Variants in DGKB observed in about 807,000 individuals in gnomAD.
DGKB encodes the protein 90 kDa diacylglycerol kinase.
DGKB carries 67 observed loss-of-function variants against 114.3 expected under a neutral mutation model. The ratio of observed to expected loss-of-function variants is 0.59; its 90% CI spans 0.48 to 0.72. The LOEUF is 0.72. Among genes scored for constraint, DGKB ranks in the 30% least tolerant of loss-of-function variants. The pLI, the probability that DGKB is intolerant of heterozygous loss-of-function variation, is 0.00. For synonymous variants in DGKB, 398 were observed against 323.1 expected (o/e 1.23, Z -2.49); for missense variants, 907 against 975.2 (o/e 0.93, Z 0.93).
chr7:14,809,499 C>T (rs1367551051), intron 2 of DGKB, among the ~76,000 whole-genome samples: 1 of 152,076 alleles, frequency 6.6e-6, no homozygotes, highest in African/African-American at 2.4e-5. Context: ...ACATGGAGGT[C>T]ATATTTTAAT....
At chr7:14,176,363 T>G (rs752195407) in intron 25 of DGKB, 179 of 984,468 alleles carry the variant, frequency 1.8e-4, no homozygotes, top group Non-Finnish European at 2.1e-4. Flanking sequence ...CAATTAATTA[T>G]GGTAGAAACT....
chr7:14,222,411 A>G (rs1336116099), intron 23 of DGKB, among the ~76,000 whole-genome samples: 3 of 151,008 alleles, frequency 2.0e-5, no homozygotes, highest in African/African-American at 4.8e-5. Context: ...GTTATTTTAG[A>G]GTATGTTTTT....
intron 21 of DGKB, among the ~76,000 whole-genome samples, chr7:14,472,535 T>C (rs1299264622): frequency 1.3e-5 from 2 of 152,140 alleles, no homozygotes; most frequent in African/African-American, 4.8e-5. Context: ...TGCAATAAAT[T>C]GGTACCAGTA....
At chr7:14,741,138 G>A (rs1832532090) in intron 4 of DGKB, among the ~76,000 whole-genome samples, 1 of 152,134 alleles carries the variant, frequency 6.6e-6, no homozygotes, top group African/African-American at 2.4e-5. Flanking sequence ...CCTCTCGGAT[G>A]CATCCTTCAA....
intron 13 of DGKB, among the ~76,000 whole-genome samples, chr7:14,666,905 G>A (rs1818128242): frequency 6.6e-6 from 1 of 151,936 alleles, no homozygotes; most frequent in East Asian, 1.9e-4. Context: ...GATGCCAATT[G>A]CAACCTCAGA....
At chr7:14,295,980 G>GT (rs1802479397) in intron 23 of DGKB, among the ~76,000 whole-genome samples, 1 of 150,544 alleles carries the variant, frequency 6.6e-6, no homozygotes, top group Admixed American at 6.6e-5. Context: ...TCCTGTGTTA[G>GT]TTTACTGAGA....
At chr7:14,712,624 C>T (rs1430065017) in intron 6 of DGKB, among the ~76,000 whole-genome samples, 1 of 151,826 alleles carries the variant, frequency 6.6e-6, no homozygotes, top group Non-Finnish European at 1.5e-5. Flanking sequence ...GGAGCCAAGA[C>T]TGTGCCACTG....
intron 13 of DGKB, among the ~76,000 whole-genome samples, chr7:14,652,627 A>G (rs1012209517): frequency 3.7e-4 from 55 of 150,328 alleles, no homozygotes; most frequent in Non-Finnish European, 6.8e-4. Context: ...AAGCAATGGC[A>G]ACAAAAGCCA....
At chr7:14,591,678 A>G (rs1161741958) in intron 17 of DGKB, among the ~76,000 whole-genome samples, 2 of 152,148 alleles carry the variant, frequency 1.3e-5, no homozygotes, top group African/African-American at 2.4e-5. Flanking sequence ...ACATTTAAAA[A>G]GTTTTTAAGA....
chr7:14,284,085 A>G lies in DGKB; in HGVS notation c.2122+54430T>C, dbSNP rs986592493. Among the ~76,000 whole-genome samples, 929 of 152,104 alleles carry G rather than the reference A, an allele frequency of 6.1e-3. 13 individuals carry two copies. The highest frequency in any genetic ancestry group is 0.021 in the African/African-American group (878 of 41,502). ...CATCAGAGTGAACAGGCAACCTACA[A>G]AATGGGAGAAAATTTTTGCAACCTG... is the stretch of plus-strand genomic sequence containing the variant. On this transcript the variant is annotated intron_variant, in intron 23 of 25. Coordinates refer to ENST00000402815, the MANE Select transcript of DGKB (RefSeq NM_001350709.2).
chr7:14,745,470 A>T (rs543298346), intron 4 of DGKB, among the ~76,000 whole-genome samples: 2 of 152,216 alleles, frequency 1.3e-5, no homozygotes, highest in Non-Finnish European at 2.9e-5. Context: ...AGGAGGGTCC[A>T]CAGAGAACCT....
At chr7:14,673,057 A>T (rs1251632234) in intron 12 of DGKB, 30 bp from the exon 13 acceptor site, 1 of 1,345,214 alleles carries the variant, frequency 7.4e-7, no homozygotes, top group East Asian at 2.5e-5. Flanking sequence ...GATAGTATCA[A>T]ATTCTACATG....
chr7:14,728,095 T>C (rs1830288538), intron 5 of DGKB, among the ~76,000 whole-genome samples: 1 of 152,216 alleles, frequency 6.6e-6, no homozygotes, highest in Non-Finnish European at 1.5e-5. Context: ...CCTATTGATA[T>C]TATAGCTTAT....
chr7:14,753,273 C>T (rs770108528), intron 4 of DGKB, among the ~76,000 whole-genome samples: 3 of 152,058 alleles, frequency 2.0e-5, no homozygotes, highest in Admixed American at 6.6e-5. Context: ...TCTACAGTGG[C>T]GAAGACAATT....
intron 25 of DGKB, among the ~76,000 whole-genome samples, chr7:14,165,105 C>T (rs1784433029): frequency 6.6e-6 from 1 of 152,088 alleles, no homozygotes; most frequent in Admixed American, 6.6e-5. Context: ...TTTTTCCCCT[C>T]CTTCCTTACA....
rs202060712 is a variant in DGKB at position 14,661,397 on chromosome 7, C to G, written c.1134+11532G>C. ...ACCCCATCAAAAAGTGGGCGAAGGA[C>G]ATGAACAGACACTTCTCAAAAGAAG... On this transcript the variant is annotated intron_variant, in intron 13 of 25. Transcript: ENST00000402815. Among the ~76,000 whole-genome samples the G allele has an allele frequency of 4.9e-5, 7 of 142,726 alleles. No individual in the cohort carries two copies. The East Asian group carries it at 1.5e-3, about 30-fold the overall frequency. 93.6% of individuals were successfully genotyped at this position (142,726 alleles called of 152,430 possible). A position where few individuals can be genotyped will look rare whatever the true frequency, so the allele number is the denominator to read the frequency against.
At chr7:14,403,132 T>C (rs1042205336) in intron 21 of DGKB, among the ~76,000 whole-genome samples, 2 of 151,886 alleles carry the variant, frequency 1.3e-5, no homozygotes, top group Non-Finnish European at 2.9e-5. Context: ...CTCTGGAGAA[T>C]ACTAATACAG....
At chr7:14,245,599 C>T (rs761237071) in intron 23 of DGKB, among the ~76,000 whole-genome samples, 1 of 151,990 alleles carries the variant, frequency 6.6e-6, no homozygotes, top group African/African-American at 2.4e-5. Flanking sequence ...GACAAGTTTA[C>T]CAAGAAAAAT....
At chr7:14,178,209 A>C in intron 23 of DGKB, 58 bp from the exon 24 acceptor site, 3 of 1,564,498 alleles carry the variant, frequency 1.9e-6, no homozygotes, top group Non-Finnish European at 2.6e-6. Flanking sequence ...CCACAATTTA[A>C]TGCCATTTGA....
Sources: gnomAD v4.1 joint callset for allele counts (sites outside exome capture counted in the v4.1 genomes callset) on GRCh38, gnomAD v4.1.1 for gene constraint, MANE v1.5 for transcripts, NCBI Gene and HGNC (gene_info 2026-07-23, HGNC 2026-07-21) for gene names.